PLPP3: variants seen among roughly 807,000 people sequenced by gnomAD.
PLPP3 encodes the protein phospholipid phosphatase 3.
In PLPP3, 6 loss-of-function variants were observed where a neutral mutation model predicts 29.6. The observed-to-expected ratio is 0.20, with a 90% CI of 0.11 to 0.40. The LOEUF is 0.40. Ranked by LOEUF, PLPP3 falls within the 10% of genes least tolerant of loss-of-function variation. PLPP3 has a pLI of 1.00. For synonymous variants in PLPP3, 152 were observed against 159.7 expected (o/e 0.95, Z 0.36); for missense variants, 308 against 407.7 (o/e 0.76, Z 2.11).
Position 56,496,445 on chromosome 1 carries a change from G to A in PLPP3, c.*106C>T, listed in dbSNP as rs973318984. On this transcript the variant is annotated 3_prime_UTR_variant, in exon 6 of 6. Transcript: ENST00000371250. ...TTTTTTTCCTTTTTAAAAATCAGTC[G>A]GGCAAAAGTTTTTCCCTACATTCTA... 28 of 1,359,110 alleles carry A rather than the reference G, an allele frequency of 2.1e-5. No individual in the cohort carries two copies. Among genetic ancestry groups the A allele is most frequent in the South Asian group, 1.0e-4 (7 of 69,804 alleles). 84.2% of individuals were successfully genotyped at this position (1,359,110 alleles called of 1,614,324 possible). A position where few individuals can be genotyped will look rare whatever the true frequency, so the allele number is the denominator to read the frequency against.
At chr1:56,499,329 C>T (rs11206833) in intron 5 of PLPP3, among the ~76,000 whole-genome samples, 64,633 of 152,028 alleles carry the variant, frequency 0.43, 15,841 homozygotes, top group East Asian at 0.69. Context: ...TTACTGGGCC[C>T]AGAGAAAGCC....
intron 1 of PLPP3, among the ~76,000 whole-genome samples, chr1:56,575,683 C>A (rs773640761): frequency 6.6e-6 from 1 of 152,180 alleles, no homozygotes; most frequent in African/African-American, 2.4e-5. Flanking sequence ...CAATTCAAAT[C>A]GACTTCAGTG....
intron 1 of PLPP3, among the ~76,000 whole-genome samples, chr1:56,574,580 C>G (rs1318518956): frequency 6.6e-6 from 1 of 152,000 alleles, no homozygotes; most frequent in Non-Finnish European, 1.5e-5. Context: ...TTTTAATCTA[C>G]GAAGGATGGT....
chr1:56,537,740 C>T (rs376467063), intron 1 of PLPP3, among the ~76,000 whole-genome samples: 2 of 152,256 alleles, frequency 1.3e-5, no homozygotes, highest in South Asian at 2.1e-4. Flanking sequence ...TTCATGAATG[C>T]CATTTTCCAG....
chr1:56,527,618 G>T (rs1645860386), intron 2 of PLPP3, among the ~76,000 whole-genome samples: 1 of 152,112 alleles, frequency 6.6e-6, no homozygotes, highest in African/African-American at 2.4e-5. Flanking sequence ...AGGACCACAT[G>T]GCTTCTGGGG....
intron 1 of PLPP3, among the ~76,000 whole-genome samples, chr1:56,577,599 C>A (rs141103834): frequency 6.6e-6 from 1 of 152,312 alleles, no homozygotes; most frequent in African/African-American, 2.4e-5. Flanking sequence ...TAACTCCAGC[C>A]TAAGAAGTCT....
At chr1:56,521,884 T>C (rs1298895875) in intron 4 of PLPP3, among the ~76,000 whole-genome samples, 1 of 152,024 alleles carries the variant, frequency 6.6e-6, no homozygotes, top group Non-Finnish European at 1.5e-5. Flanking sequence ...GATCTCTAGA[T>C]GGTAAGGAGG....
chr1:56,564,276 C>G (rs1357012868), intron 1 of PLPP3, among the ~76,000 whole-genome samples: 1 of 152,204 alleles, frequency 6.6e-6, no homozygotes, highest in African/African-American at 2.4e-5. Flanking sequence ...GTGGATGTGT[C>G]TGACTATACT....
chr1:56,528,371 A>G (rs12082242), intron 2 of PLPP3, among the ~76,000 whole-genome samples: 57,086 of 152,024 alleles, frequency 0.38, 11,272 homozygotes, highest in African/African-American at 0.51. Context: ...ATTTACAAAT[A>G]TTTAACTGTT....
Position 56,537,090 on chromosome 1 carries a change from G to T in PLPP3, c.162C>A (p.Ile54=). 2.5e-6 allele frequency: 4 copies of T among 1,613,426 alleles called. No homozygotes were observed. The highest frequency in any genetic ancestry group is 1.7e-4 in the Middle Eastern group (1 of 6,048). Reference sequence around the variant, plus strand: ...GGTAAGGCTTGATGGTGCTTGTCTCGATGATGAGGAAGGGGAGGCCCGCTG... The same window carrying T: ...GGTAAGGCTTGATGGTGCTTGTCTCTATGATGAGGAAGGGGAGGCCCGCTG... ...LFMAGLPFLI[I]ETSTIKPYHR... is the part of the protein sequence containing the mutation. Residue 54 remains isoleucine, a synonymous_variant, in exon 2 of 6, where the codon ATC becomes ATA. Coordinates refer to ENST00000371250, the MANE Select transcript of PLPP3 (RefSeq NM_003713.5).
chr1:56,535,410 C>T (rs1396203880), intron 2 of PLPP3, among the ~76,000 whole-genome samples: 2 of 152,098 alleles, frequency 1.3e-5, no homozygotes, highest in East Asian at 1.9e-4. Context: ...TGTGTTTCTC[C>T]GGAACTATAG....
intron 4 of PLPP3, chr1:56,513,343 G>A (rs1253805417): frequency 1.3e-5 from 2 of 152,632 alleles, no homozygotes; most frequent in Non-Finnish European, 2.9e-5. Context: ...GGGAAATGAG[G>A]GGGAAGAGGC....
intron 1 of PLPP3, among the ~76,000 whole-genome samples, chr1:56,573,613 G>A (rs1646215336): frequency 6.6e-6 from 1 of 152,192 alleles, no homozygotes; most frequent in Admixed American, 6.5e-5. Flanking sequence ...TCCTGGAGAA[G>A]AGTCCGAGAA....
chr1:56,529,363 C>T (rs1313318033), intron 2 of PLPP3, among the ~76,000 whole-genome samples: 1 of 152,150 alleles, frequency 6.6e-6, no homozygotes, highest in Non-Finnish European at 1.5e-5. Flanking sequence ...GACATATGTT[C>T]ACAGAACACC....
intron 1 of PLPP3, chr1:56,538,571 A>T (rs1645944829): frequency 2.7e-6 from 1 of 373,856 alleles, no homozygotes; most frequent in Admixed American, 2.7e-5. Context: ...GTGATGCTGT[A>T]GACATCTAAG....
chr1:56,569,198 G>A (rs1228246022), intron 1 of PLPP3, among the ~76,000 whole-genome samples: 1 of 151,664 alleles, frequency 6.6e-6, no homozygotes, highest in African/African-American at 2.4e-5. Flanking sequence ...TTTTTGAGAT[G>A]TAGTCTCACA....
At chr1:56,566,250 G>T (rs989228856) in intron 1 of PLPP3, among the ~76,000 whole-genome samples, 1 of 152,214 alleles carries the variant, frequency 6.6e-6, no homozygotes, top group African/African-American at 2.4e-5. Flanking sequence ...CCAGCATGGA[G>T]TAGTGGAGAA....
At chr1:56,497,568 A>G (rs527449520) in intron 5 of PLPP3, among the ~76,000 whole-genome samples, 2 of 152,386 alleles carry the variant, frequency 1.3e-5, no homozygotes, top group Admixed American at 1.3e-4. Flanking sequence ...GTAATTTAAT[A>G]GGAAACACTT....
intron 2 of PLPP3, among the ~76,000 whole-genome samples, chr1:56,529,575 A>C (rs926259801): frequency 6.6e-6 from 1 of 152,180 alleles, no homozygotes; most frequent in African/African-American, 2.4e-5. Flanking sequence ...GTCCCAAAGG[A>C]AAGGAAAAAT....
Sources: allele counts gnomAD v4.1 joint callset (sites outside exome capture counted in the v4.1 genomes callset), GRCh38; gene constraint gnomAD v4.1.1; transcripts MANE v1.5; gene names NCBI Gene and HGNC (gene_info 2026-07-23, HGNC 2026-07-21).